Variants in MAN2A1 observed in about 807,000 individuals in gnomAD.
MAN2A1 encodes mannosidase alpha class 2A member 1, also known as alpha-mannosidase 2.
MAN2A1 carries 76 observed loss-of-function variants against 142.6 expected under a neutral mutation model. The ratio of observed to expected loss-of-function variants is 0.53; its 90% CI spans 0.44 to 0.65. MAN2A1 has a LOEUF of 0.65. MAN2A1 is among the 30% of genes least tolerant of loss of function. MAN2A1 has a pLI of 0.00. For missense variants in MAN2A1, 1,311 were observed against 1,365.1 expected (o/e 0.96, Z 0.62); for synonymous variants, 559 against 473.2 (o/e 1.18, Z -2.35).
chr5:109,849,615 C>A (rs74958166), intron 19 of MAN2A1, among the ~76,000 whole-genome samples: 97 of 152,236 alleles, frequency 6.4e-4, no homozygotes, highest in Middle Eastern at 3.4e-3. Flanking sequence ...TCTAAAGTGA[C>A]TTCCTGTATT....
At chr5:109,844,317 A>G (rs149597253) in intron 17 of MAN2A1, among the ~76,000 whole-genome samples, 240 of 152,316 alleles carry the variant, frequency 1.6e-3, no homozygotes, top group Non-Finnish European at 1.7e-3. Context: ...CTTTGGATAT[A>G]GTAGTACTTG....
chr5:109,789,111 A>G, intron 11 of MAN2A1, 63 bp downstream of exon 11: 1 of 810,206 alleles, frequency 1.2e-6, no homozygotes, highest in Admixed American at 2.5e-5. Context: ...GCATTAGCAA[A>G]GAGGATGAGA....
intron 12 of MAN2A1, among the ~76,000 whole-genome samples, chr5:109,815,111 C>T (rs1754418017): frequency 6.6e-6 from 1 of 152,080 alleles, no homozygotes; most frequent in Admixed American, 6.6e-5. Flanking sequence ...ATGAGTGATC[C>T]ACCACTGTTT....
Position 109,820,284 on chromosome 5 carries a change from C to A in MAN2A1, c.2393C>A (p.Thr798Asn). 1 of 1,612,152 alleles carries A rather than the reference C, an allele frequency of 6.2e-7. No individual in the cohort carries two copies. The highest frequency in any genetic ancestry group is 8.5e-7 in the Non-Finnish European group (1 of 1,178,546). Residue 798 changes from threonine (T) to asparagine (N), a missense_variant, in exon 15 of 22, where the codon ACC (threonine) becomes AAC (asparagine). Thr to Asn is a moderately conservative substitution (Grantham distance 65). Around this residue, in one of 3 missense-constraint regions of MAN2A1, gnomAD observed 890 missense variants for 920.5 expected, o/e 0.97. Transcript: ENST00000261483. Reference protein sequence around the residue: ...EVNVQFSWYGTTIKRDKSGAY... With the variant: ...EVNVQFSWYGNTIKRDKSGAY... ...AATGTGCAATTTTCATGGTATGGAACCACAATTAAAAGAGACAAAAGTGGT... is the reference window on the plus strand; with the variant it reads ...AATGTGCAATTTTCATGGTATGGAAACACAATTAAAAGAGACAAAAGTGGT...
rs569726234 is a variant in MAN2A1 at position 109,787,074 on chromosome 5, TG to T, written c.1761-1859del. 1.8e-4 allele frequency among the ~76,000 whole-genome samples: 28 copies of T among 152,078 alleles called. No homozygotes were observed. The South Asian group carries it at 5.6e-3, about 30-fold the overall frequency. ...TTGGAGATTAATTCTAATCATGGCA[TG>T]AAAAAAATGAATTAGATTGGGACAA... On this transcript the variant is annotated intron_variant, in intron 10 of 21. Transcript: ENST00000261483.
chr5:109,844,993 G>A (rs17162338), intron 17 of MAN2A1, among the ~76,000 whole-genome samples: 12,706 of 152,206 alleles, frequency 0.083, 612 homozygotes, highest in African/African-American at 0.15. Flanking sequence ...GACATTGCAG[G>A]GTTGCTGGGA....
chr5:109,865,373 AG>A (rs1038450825), intron 21 of MAN2A1: 4 of 511,264 alleles, frequency 7.8e-6, no homozygotes, highest in Non-Finnish European at 1.4e-5. Flanking sequence ...GCACATTTGA[AG>A]GCAATGCTCT....
intron 20 of MAN2A1, among the ~76,000 whole-genome samples, chr5:109,859,619 A>G (rs1030785458): frequency 6.6e-6 from 1 of 152,218 alleles, no homozygotes; most frequent in African/African-American, 2.4e-5. Context: ...TTTGAAACCT[A>G]GGGAACATGA....
intron 5 of MAN2A1, among the ~76,000 whole-genome samples, chr5:109,767,076 C>G (rs1753011843): frequency 6.6e-6 from 1 of 152,074 alleles, no homozygotes; most frequent in Non-Finnish European, 1.5e-5. Context: ...AAAAGACAGA[C>G]TAAAAAAGTC....
At chr5:109,865,005 C>T (rs185828999) in intron 20 of MAN2A1, 31 bp from the exon 21 acceptor site, 32 of 1,409,586 alleles carry the variant, frequency 2.3e-5, no homozygotes, top group Admixed American at 1.7e-4. Context: ...TTATTGTCTG[C>T]GCGGTGTGAC....
In MAN2A1 at chr5:109,770,307, A is replaced by G. The variant is rs757593275; in HGVS notation, c.1010-48A>G. 30 of 1,552,842 alleles carry G rather than the reference A, an allele frequency of 1.9e-5. No individual in the cohort carries two copies. In the South Asian group the frequency reaches 3.3e-4, roughly 17 times the overall value. ...AATGACATTTTGAATATTTTTTGGG[A>G]AAACAGATTTTATAAATGCAGGTTT... is the stretch of plus-strand genomic sequence containing the variant. On this transcript the variant is annotated intron_variant, in intron 6 of 21. Transcript: ENST00000261483.
intron 20 of MAN2A1, among the ~76,000 whole-genome samples, chr5:109,857,278 A>G (rs1755648820): frequency 6.6e-6 from 1 of 152,248 alleles, no homozygotes; most frequent in African/African-American, 2.4e-5. Context: ...ACTATTTTGA[A>G]TCAGTGAATT....
chr5:109,740,533 C>G (rs1272655595), intron 4 of MAN2A1, among the ~76,000 whole-genome samples: 3 of 150,590 alleles, frequency 2.0e-5, no homozygotes, highest in African/African-American at 7.3e-5. Context: ...ATGCTTGGCT[C>G]TCTCCCAGCA....
chr5:109,724,501 A>T, intron 3 of MAN2A1, among the ~76,000 whole-genome samples: 1 of 152,302 alleles, frequency 6.6e-6, no homozygotes, highest in South Asian at 2.1e-4. Flanking sequence ...ATTTGAGAAT[A>T]TTTATCACAT....
At chr5:109,800,350 A>G (rs1246391802) in intron 12 of MAN2A1, among the ~76,000 whole-genome samples, 1 of 152,294 alleles carries the variant, frequency 6.6e-6, no homozygotes, top group East Asian at 1.9e-4. Flanking sequence ...GAGACTTGCT[A>G]TAAACCTCTT....
chr5:109,791,531 T>G (rs1469173164), intron 12 of MAN2A1, among the ~76,000 whole-genome samples: 1 of 152,054 alleles, frequency 6.6e-6, no homozygotes, highest in African/African-American at 2.4e-5. Context: ...TTCATGAGTC[T>G]TCTTTAATGT....
At chr5:109,698,585 TCA>T (rs1296405848) in intron 1 of MAN2A1, among the ~76,000 whole-genome samples, 3 of 152,236 alleles carry the variant, frequency 2.0e-5, no homozygotes, top group Non-Finnish European at 4.4e-5. Context: ...TGTGTATTTT[TCA>T]CATGTAAATG....
At chr5:109,813,965 G>A (rs751178242) in intron 12 of MAN2A1, among the ~76,000 whole-genome samples, 9 of 152,134 alleles carry the variant, frequency 5.9e-5, no homozygotes, top group Non-Finnish European at 1.3e-4. Context: ...ACATATGAAT[G>A]CTTTTTCTTC....
chr5:109,722,264 C>T (rs967480660), intron 3 of MAN2A1, among the ~76,000 whole-genome samples: 3 of 152,118 alleles, frequency 2.0e-5, no homozygotes, highest in African/African-American at 7.2e-5. Flanking sequence ...TATCTCCTAT[C>T]CTTCTTTTCC....
Sources: gnomAD v4.1 joint callset for allele counts (sites outside exome capture counted in the v4.1 genomes callset) on GRCh38, gnomAD v4.1.1 for gene constraint, gnomAD v4.1.1 regional missense constraint, MANE v1.5 for transcripts, NCBI Gene and HGNC (gene_info 2026-07-23, HGNC 2026-07-21) for gene names.